MYO16: variants seen among roughly 807,000 people sequenced by gnomAD.
MYO16 encodes the protein unconventional myosin-XVI.
A neutral mutation model predicts 205.3 loss-of-function variants in MYO16; 94 were observed. The ratio of observed to expected loss-of-function variants is 0.46; its 90% CI spans 0.39 to 0.54. The LOEUF is 0.54. MYO16 is among the 20% of genes least tolerant of loss of function. The pLI is 0.00. For synonymous variants in MYO16, 988 were observed against 954.0 expected, an observed-to-expected ratio of 1.04 and a Z score of -0.66; for missense variants, 2,315 against 2,387.5, an observed-to-expected ratio of 0.97 and a Z score of 0.63.
intron 2 of MYO16, among the ~76,000 whole-genome samples, chr13:108,676,944 C>G (rs1430073328): frequency 3.9e-5 from 6 of 152,172 alleles, no homozygotes; most frequent in Admixed American, 3.9e-4. Flanking sequence ...ACACGAAGCC[C>G]TTCCCCTGCA....
chr13:108,838,102 A>G (rs1373920403), intron 9 of MYO16, among the ~76,000 whole-genome samples: 1 of 152,166 alleles, frequency 6.6e-6, no homozygotes, highest in African/African-American at 2.4e-5. Context: ...CAGGTTCTGG[A>G]GCTTAGAACT....
intron 4 of MYO16, among the ~76,000 whole-genome samples, chr13:108,778,567 C>T (rs1162542786): frequency 1.3e-5 from 2 of 152,148 alleles, no homozygotes; most frequent in Non-Finnish European, 2.9e-5. Context: ...TGCAATCAGC[C>T]AAGATCGCGC....
chr13:108,624,730 G>A (rs1457275489), upstream of MYO16, among the ~76,000 whole-genome samples: 1 of 151,226 alleles, frequency 6.6e-6, no homozygotes, highest in East Asian at 1.9e-4. Context: ...ATCACCAAAG[G>A]AAGTGGGTGG....
At chr13:108,902,493 T>C (rs796338719) in intron 15 of MYO16, among the ~76,000 whole-genome samples, 60 of 152,330 alleles carry the variant, frequency 3.9e-4, no homozygotes, top group African/African-American at 1.4e-3. Context: ...CAGTAGCAAA[T>C]GAACACCAGT....
intron 2 of MYO16, among the ~76,000 whole-genome samples, chr13:108,698,104 A>T (rs1277947879): frequency 1.3e-5 from 2 of 152,156 alleles, no homozygotes; most frequent in African/African-American, 4.8e-5. Context: ...TATGGCACTT[A>T]GGTCACCTTC....
intron 33 of MYO16, 75 bp from the exon 34 acceptor site, chr13:109,179,467 G>T: frequency 1.1e-6 from 1 of 875,890 alleles, no homozygotes. Flanking sequence ...CTAGTTTATT[G>T]TAATGAGTGC....
At chr13:108,666,808 T>C (rs1200309047) in intron 2 of MYO16, among the ~76,000 whole-genome samples, 2 of 152,224 alleles carry the variant, frequency 1.3e-5, no homozygotes, top group African/African-American at 4.8e-5. Flanking sequence ...GTTAAATTTT[T>C]TCACTTTTTA....
intron 1 of MYO16, among the ~76,000 whole-genome samples, chr13:108,604,381 T>C (rs1878875064): frequency 6.6e-6 from 1 of 152,144 alleles, no homozygotes; most frequent in Admixed American, 6.5e-5. Context: ...AGGACTAAAA[T>C]ACTGAATGTA....
chr13:108,703,650 A>T (rs1379985593), intron 2 of MYO16, among the ~76,000 whole-genome samples: 1 of 152,204 alleles, frequency 6.6e-6, no homozygotes, highest in East Asian at 1.9e-4. Context: ...CCACATGCAA[A>T]GCCATAAAAC....
the MYO16 span, among the ~76,000 whole-genome samples, chr13:108,572,571 A>G: frequency 6.6e-6 from 1 of 152,174 alleles, no homozygotes; most frequent in African/African-American, 2.4e-5. Flanking sequence ...ACAGTCTAGG[A>G]AGACAGTGCG....
At chr13:109,086,277 T>C (rs1441714201) in intron 27 of MYO16, among the ~76,000 whole-genome samples, 1 of 152,188 alleles carries the variant, frequency 6.6e-6, no homozygotes, top group Non-Finnish European at 1.5e-5. Context: ...CAAAGCATAC[T>C]CCCAGACAGT....
intron 1 of MYO16, among the ~76,000 whole-genome samples, chr13:108,658,687 C>T (rs1323747337): frequency 1.3e-5 from 2 of 151,974 alleles, no homozygotes; most frequent in Non-Finnish European, 2.9e-5. Context: ...AGTTTCTGAA[C>T]ATATGGGGAG....
At chr13:108,801,952 T>C (rs551528059) in intron 6 of MYO16, among the ~76,000 whole-genome samples, 1 of 152,318 alleles carries the variant, frequency 6.6e-6, no homozygotes, top group East Asian at 1.9e-4. Context: ...TCTAATTTTA[T>C]TTAATATTAT....
Position 108,643,617 on chromosome 13 carries a change from C to T in MYO16, c.28+13745C>T, listed in dbSNP as rs912677494. Among the ~76,000 whole-genome samples the T allele has an allele frequency of 1.5e-4, 23 of 152,292 alleles. 1 individual carries two copies. Among genetic ancestry groups the T allele is most frequent in the Admixed American group, 2.6e-4 (4 of 15,292 alleles). ...CATCTGGCAATCATCCATGTTGATG[C>T]ATATATCACAGGTTTATTCATTTTT... On this transcript the variant is annotated intron_variant, in intron 1 of 34. Transcript: ENST00000457511.
Position 109,141,427 on chromosome 13 carries a change from C to G in MYO16, c.5164+51C>G. 1 of 1,232,666 alleles carries G rather than the reference C, an allele frequency of 8.1e-7. No individual in the cohort carries two copies. The highest frequency in any genetic ancestry group is 1.1e-6 in the Non-Finnish European group (1 of 921,680). The allele number at this position is 1,232,666 out of a possible 1,614,324, so 76.4% of individuals were successfully genotyped here. ...TCCTTTTGCATGGACGCTGTGCTTG[C>G]GTGCACCTGTGTACATCCGTGTCTG... On this transcript the variant is annotated intron_variant, in intron 32 of 34. Coordinates refer to ENST00000457511, the MANE Select transcript of MYO16 (RefSeq NM_001198950.3). The surrounding 1 kb of genome is among the most constrained non-coding windows in gnomAD (Gnocchi z 4.1).
chr13:108,536,332 AG>A, the MYO16 span, among the ~76,000 whole-genome samples: 1 of 152,138 alleles, frequency 6.6e-6, no homozygotes, highest in African/African-American at 2.4e-5. Flanking sequence ...GGACATTCAC[AG>A]TGGAATAAGT....
intron 4 of MYO16, among the ~76,000 whole-genome samples, chr13:108,750,341 A>G (rs1046721202): frequency 1.3e-5 from 2 of 152,228 alleles, no homozygotes; most frequent in African/African-American, 2.4e-5. Context: ...TTGCAAACCT[A>G]TGAAACAATT....
chr13:109,009,466 G>T (rs1029487319), intron 22 of MYO16, among the ~76,000 whole-genome samples: 3 of 151,904 alleles, frequency 2.0e-5, no homozygotes, highest in Non-Finnish European at 4.4e-5. Context: ...AAACTGGCAG[G>T]AAAAACATAT....
In MYO16 at chr13:108,639,259, G is replaced by A. The variant is rs181983901; in HGVS notation, c.28+9387G>A. Among the ~76,000 whole-genome samples the A allele has an allele frequency of 5.9e-5, 9 of 152,280 alleles. No individual in the cohort carries two copies. In the East Asian group the frequency reaches 1.2e-3, roughly 20 times the overall value. ...AGGGTGGGGACAGGGAAGGGGAGGC[G>A]TGGTCTGACTAGAGAGGTATTTATA... On this transcript the variant is annotated intron_variant, in intron 1 of 34. Coordinates refer to ENST00000457511, the MANE Select transcript of MYO16 (RefSeq NM_001198950.3).
Sources: gnomAD v4.1 joint callset for allele counts (sites outside exome capture counted in the v4.1 genomes callset) on GRCh38, gnomAD v4.1.1 for gene constraint, Gnocchi (gnomAD v3.1) non-coding constraint, MANE v1.5 for transcripts, NCBI Gene and HGNC (gene_info 2026-07-23, HGNC 2026-07-21) for gene names.